Variants in HMGCLL1 observed in about 807,000 individuals in gnomAD.
The protein encoded by HMGCLL1 is 3-hydroxymethyl-3-methylglutaryl-CoA lyase, cytoplasmic.
A neutral mutation model predicts 39.1 loss-of-function variants in HMGCLL1; 36 were observed. That is an observed-to-expected ratio of 0.92 (90% CI 0.71 to 1.22). HMGCLL1 has a LOEUF of 1.22. Ranked by LOEUF, HMGCLL1 falls within the 50% of genes most tolerant of loss-of-function variation. The pLI is 0.00. For missense variants in HMGCLL1, 451 were observed against 416.5 expected (o/e 1.08, Z -0.72); for synonymous variants, 149 against 144.0 (o/e 1.03, Z -0.25).
the HMGCLL1 span, among the ~76,000 whole-genome samples, chr6:55,664,557 C>T: frequency 6.6e-6 from 1 of 151,652 alleles, no homozygotes; most frequent in Non-Finnish European, 1.5e-5. Context: ...TATTTTTAAA[C>T]TGTCAAATTT....
chr6:55,626,616 G>T, the HMGCLL1 span, among the ~76,000 whole-genome samples: 1 of 151,938 alleles, frequency 6.6e-6, no homozygotes, highest in African/African-American at 2.4e-5. Flanking sequence ...AGTAGAAGTG[G>T]CACCACTCAC....
At chr6:55,462,037 A>G (rs950461406) in intron 7 of HMGCLL1, among the ~76,000 whole-genome samples, 16 of 152,150 alleles carry the variant, frequency 1.1e-4, no homozygotes, top group African/African-American at 3.9e-4. Context: ...AACACCAAAC[A>G]ATCTTTCCAG....
At chr6:55,664,279 A>T in the HMGCLL1 span, among the ~76,000 whole-genome samples, 2 of 151,734 alleles carry the variant, frequency 1.3e-5, no homozygotes, top group South Asian at 2.1e-4. Flanking sequence ...TGTTCTGTGT[A>T]TTTAAGTATG....
intron 6 of HMGCLL1, among the ~76,000 whole-genome samples, chr6:55,496,202 C>T (rs1766567855): frequency 1.3e-5 from 2 of 151,798 alleles, no homozygotes; most frequent in African/African-American, 2.4e-5. Flanking sequence ...AGACAAATCC[C>T]ATAGCATAGA....
At chr6:55,667,559 A>C in the HMGCLL1 span, among the ~76,000 whole-genome samples, 1 of 151,748 alleles carries the variant, frequency 6.6e-6, no homozygotes, top group African/African-American at 2.4e-5. Flanking sequence ...TGTGTTCTGT[A>C]CTCTACACAT....
the HMGCLL1 span, among the ~76,000 whole-genome samples, chr6:55,624,448 T>G: frequency 6.6e-6 from 1 of 152,212 alleles, no homozygotes; most frequent in Non-Finnish European, 1.5e-5. Context: ...CAAAAGCAAT[T>G]TGACTTCAGC....
intron 7 of HMGCLL1, among the ~76,000 whole-genome samples, chr6:55,484,665 G>T (rs1424280039): frequency 1.3e-5 from 2 of 151,808 alleles, no homozygotes; most frequent in Non-Finnish European, 2.9e-5. Context: ...TTCCCTTTTA[G>T]ACACTCTACA....
chr6:55,453,604 A>G (rs1764196228), intron 7 of HMGCLL1, among the ~76,000 whole-genome samples: 1 of 152,192 alleles, frequency 6.6e-6, no homozygotes. Context: ...AGGTTTATGA[A>G]TAATCATGCC....
chr6:55,579,179 C>T lies in HMGCLL1; in HGVS notation c.-124G>A, dbSNP rs1208788080. 2 of 739,606 alleles carry T rather than the reference C, an allele frequency of 2.7e-6. No homozygotes were observed. The highest frequency in any genetic ancestry group is 2.7e-5 in the East Asian group (1 of 37,058). 45.8% of individuals were successfully genotyped at this position (739,606 alleles called of 1,614,324 possible). A position where few individuals can be genotyped will look rare whatever the true frequency, so the allele number is the denominator to read the frequency against. ...CCTCCGGTGCACTGGCTGTGAGGAC[C>T]AGAGCTGTTCTGCGCACTGCGGCGG... On this transcript the variant is annotated 5_prime_UTR_variant, in exon 1 of 9. Transcript: ENST00000274901.
intron 6 of HMGCLL1, among the ~76,000 whole-genome samples, chr6:55,496,018 G>A (rs1257312106): frequency 1.3e-5 from 2 of 152,012 alleles, no homozygotes; most frequent in Non-Finnish European, 2.9e-5. Context: ...AGTAATAAGA[G>A]ATCTTCATTG....
the HMGCLL1 span, among the ~76,000 whole-genome samples, chr6:55,621,976 A>G: frequency 2.6e-5 from 4 of 152,166 alleles, no homozygotes; most frequent in South Asian, 2.1e-4. Context: ...AGTTTTCATT[A>G]TAGAGAACTT....
At chr6:55,439,591 T>G in intron 7 of HMGCLL1, 32 bp from the exon 8 acceptor site, 6 of 1,605,192 alleles carry the variant, frequency 3.7e-6, no homozygotes, top group Non-Finnish European at 4.3e-6. Context: ...CTAAAGCTTG[T>G]GTGTTTATGG....
At chr6:55,471,788 T>C (rs1454310907) in intron 7 of HMGCLL1, among the ~76,000 whole-genome samples, 1 of 151,564 alleles carries the variant, frequency 6.6e-6, no homozygotes, top group East Asian at 1.9e-4. Context: ...ACCACTCAGG[T>C]CAGAAAATTG....
intron 7 of HMGCLL1, among the ~76,000 whole-genome samples, chr6:55,456,670 G>A (rs776011655): frequency 6.6e-5 from 10 of 152,138 alleles, no homozygotes; most frequent in African/African-American, 1.2e-4. Context: ...ATCTCAAGTA[G>A]AGCCCATATT....
rs561242301 is a variant in HMGCLL1, at chr6:55,469,483, A to G, written c.795+25936T>C. Among the ~76,000 whole-genome samples, 393 of 145,848 alleles carry G rather than the reference A, an allele frequency of 2.7e-3. 2 individuals carry two copies. The highest frequency in any genetic ancestry group is 9.1e-3 in the African/African-American group (351 of 38,396). On this transcript the variant is annotated intron_variant, in intron 7 of 8. Transcript: ENST00000274901. ...TGTGTATATATGTGTGTGTGTGTGT[A>G]TATATATATATGAAGTTAGTTATCT...
At chr6:55,453,728 C>A (rs998690442) in intron 7 of HMGCLL1, among the ~76,000 whole-genome samples, 2 of 152,042 alleles carry the variant, frequency 1.3e-5, no homozygotes, top group African/African-American at 4.8e-5. Context: ...TGCAATACAT[C>A]CAATCATTAG....
At chr6:55,591,900 C>T in the HMGCLL1 span, among the ~76,000 whole-genome samples, 2 of 151,824 alleles carry the variant, frequency 1.3e-5, no homozygotes, top group Admixed American at 6.6e-5. Flanking sequence ...TATTCAATGA[C>T]CTATATTTCA....
chr6:55,575,622 A>G (rs1383711228), intron 1 of HMGCLL1, among the ~76,000 whole-genome samples: 1 of 152,142 alleles, frequency 6.6e-6, no homozygotes, highest in Non-Finnish European at 1.5e-5. Flanking sequence ...TTCATATTAC[A>G]GGAGTCAGGT....
At chr6:55,543,298 C>T (rs535203914) in intron 1 of HMGCLL1, among the ~76,000 whole-genome samples, 14 of 7,442 alleles carry the variant, frequency 1.9e-3, no homozygotes, top group East Asian at 6.2e-3. Flanking sequence ...TATTATATAT[C>T]ATATATGATA....
Sources: gnomAD v4.1 joint callset for allele counts (sites outside exome capture counted in the v4.1 genomes callset) on GRCh38, gnomAD v4.1.1 for gene constraint, MANE v1.5 for transcripts, NCBI Gene and HGNC (gene_info 2026-07-23, HGNC 2026-07-21) for gene names.